ZNF700: variants seen among roughly 807,000 people sequenced by gnomAD.
ZNF700 encodes zinc finger protein 700.
A neutral mutation model predicts 65.3 loss-of-function variants in ZNF700; 38 were observed. The observed-to-expected ratio is 0.58, with a 90% CI of 0.45 to 0.76. The LOEUF (loss-of-function observed/expected upper bound fraction) is 0.76, where lower values mean the gene tolerates loss of function less well. Ranked by LOEUF, ZNF700 falls within the 30% of genes least tolerant of loss-of-function variation. The probability of loss-of-function intolerance (pLI) is 0.00; values close to 1 mark genes in which losing one functional copy is unlikely to be tolerated. For synonymous variants in ZNF700, 285 were observed against 290.4 expected, an observed-to-expected ratio of 0.98 and a Z score of 0.19; for missense variants, 857 against 888.4, an observed-to-expected ratio of 0.96 and a Z score of 0.45.
intron 1 of ZNF700, among the ~76,000 whole-genome samples, chr19:11,926,992 G>A (rs1014698648): frequency 1.3e-5 from 2 of 152,178 alleles, no homozygotes; most frequent in Non-Finnish European, 2.9e-5. Flanking sequence ...CCCCAGGAGA[G>A]TTCTTGAATC....
rs1973012761 is a variant in ZNF700 at position 11,949,051 on chromosome 19, T to G, written c.1027T>G (p.Leu343Val). 6.2e-7 allele frequency: 1 copy of G among 1,608,208 alleles called. No homozygotes were observed. Among genetic ancestry groups the G allele is most frequent in the Non-Finnish European group, 8.5e-7 (1 of 1,178,798 alleles). ...TGAATGTAAGCAATATGGGGAAGGC[T>G]TATCCTATCTTATAAGTTTTCAAAC... ...PYECKQYGEG[L>V]SYLISFQTHI... Residue 343 changes from leucine to valine, a missense_variant, in exon 4 of 4, where the codon TTA (leucine) becomes GTA (valine). By Grantham distance (32) the Leu-to-Val change is conservative. This residue lies in a region of ZNF700 where 603 missense variants were observed against 619.9 expected (regional missense o/e 0.97). Transcript: ENST00000254321.
Position 11,931,404 on chromosome 19 carries a change from A to G in ZNF700, c.63+6131A>G, listed in dbSNP as rs893753717. ...TCTCATTCAGAAAGGATTTACTCCT[A>G]TGCTCTCATCTAATCCTAATTACTT... On this transcript the variant is annotated intron_variant, in intron 1 of 3. Coordinates refer to ENST00000254321, the MANE Select transcript of ZNF700 (RefSeq NM_144566.3). Among the ~76,000 whole-genome samples, 7 of 148,114 alleles carry G rather than the reference A, an allele frequency of 4.7e-5. No individual in the cohort carries two copies. In the East Asian group the frequency reaches 1.4e-3, roughly 29 times the overall value.
intron 1 of ZNF700, among the ~76,000 whole-genome samples, chr19:11,944,200 G>A (rs1972926001): frequency 1.3e-5 from 2 of 152,190 alleles, no homozygotes; most frequent in South Asian, 4.1e-4. Flanking sequence ...AGCTGTCGCT[G>A]TAACTTAATT....
chr19:11,937,731 G>T (rs1972819792), intron 1 of ZNF700, among the ~76,000 whole-genome samples: 1 of 151,782 alleles, frequency 6.6e-6, no homozygotes, highest in Non-Finnish European at 1.5e-5. Flanking sequence ...CTCATGATCT[G>T]CCTGCCTCAG....
chr19:11,926,852 G>C (rs1972636986), intron 1 of ZNF700, among the ~76,000 whole-genome samples: 1 of 152,176 alleles, frequency 6.6e-6, no homozygotes, highest in South Asian at 2.1e-4. Context: ...AGTTGGAAGA[G>C]TTTATTCAAG....
At chr19:11,925,895 TTTA>T (rs1469571507) in intron 1 of ZNF700, among the ~76,000 whole-genome samples, 2 of 152,144 alleles carry the variant, frequency 1.3e-5, no homozygotes, top group Admixed American at 6.6e-5. Flanking sequence ...ACAGTTTGGT[TTTA>T]TTCATTTCAG....
At chr19:11,934,120 G>A (rs766312562) in intron 1 of ZNF700, among the ~76,000 whole-genome samples, 2 of 148,072 alleles carry the variant, frequency 1.4e-5, no homozygotes, top group Admixed American at 1.3e-4. Context: ...GAGGTGAGAC[G>A]ATTGCTTGAG....
rs1568298124 is a variant in ZNF700, at chr19:11,949,164, T to TG, written c.1141dup (p.Glu381GlyfsTer11). On this transcript the variant is annotated frameshift_variant, in exon 4 of 4. Coordinates refer to ENST00000254321, the MANE Select transcript of ZNF700 (RefSeq NM_144566.3). LOFTEE classifies it high-confidence loss of function. The stretch of plus-strand genomic sequence containing the variant: ...ATTCTGCCAAGTCATTTCAAACACA[T>TG]GAAAAAACTCACACTGGAGAGAAAC... The TG allele has an allele frequency of 6.2e-7, 1 of 1,612,416 alleles. No homozygotes were observed. The highest frequency in any genetic ancestry group is 2.2e-5 in the East Asian group (1 of 44,842).
intron 1 of ZNF700, among the ~76,000 whole-genome samples, chr19:11,940,880 G>A (rs1387553816): frequency 6.6e-6 from 1 of 151,946 alleles, no homozygotes; most frequent in East Asian, 1.9e-4. Context: ...GTTCTCCAAG[G>A]CCCCACCAGA....
chr19:11,929,152 T>C (rs1390794284), intron 1 of ZNF700, among the ~76,000 whole-genome samples: 1 of 148,268 alleles, frequency 6.7e-6, no homozygotes, highest in African/African-American at 2.6e-5. Context: ...CTTAAATTTT[T>C]GAATTACTTT....
chr19:11,949,577 A>C lies in ZNF700; in HGVS notation c.1553A>C (p.Tyr518Ser). The part of the protein sequence containing the change: ...YKCSICEKGF[Y>S]SAKSFQTHEK... ...TGTAGTATATGTGAGAAAGGCTTTT[A>C]TTCTGCCAAGTCATTTCAAACACAT... The change falls in exon 4 of 4, where the codon TAT becomes TCT. Residue 518 changes from tyrosine to serine, a missense_variant. Coordinates refer to ENST00000254321, the MANE Select transcript of ZNF700 (RefSeq NM_144566.3). 6.2e-7 allele frequency: 1 copy of C among 1,612,598 alleles called. No individual in the cohort carries two copies. The highest frequency in any genetic ancestry group is 1.1e-5 in the South Asian group (1 of 90,818).
rs1973035620 is a variant in ZNF700, at chr19:11,949,912, A to G, written c.1888A>G (p.Arg630Gly). The G allele has an allele frequency of 1.2e-6, 2 of 1,614,120 alleles. No homozygotes were observed. The highest frequency in any genetic ancestry group is 4.5e-5 in the East Asian group (2 of 44,868). The change falls in exon 4 of 4, where the codon AGA (arginine) becomes GGA (glycine). Residue 630 changes from arginine to glycine, a missense_variant. Physicochemically the swap from Arg to Gly is moderately radical, Grantham distance 125 (BLOSUM62 -2). Coordinates refer to ENST00000254321, the MANE Select transcript of ZNF700 (RefSeq NM_144566.3). ...YECKQCGKAF[R>G]SASNLQMHER... is the part of the protein sequence containing the mutation. ...GTGTAAGCAATGTGGGAAAGCCTTC[A>G]GATCTGCCTCAAACCTTCAGATGCA...
At position 11,948,460 on chromosome 19, in the gene ZNF700, A is replaced by G. The variant is rs762083267; in HGVS notation, c.436A>G (p.Arg146Gly). Residue 146 changes from arginine (R) to glycine (G), a missense_variant, in exon 4 of 4, where the codon AGA becomes GGA. Transcript: ENST00000254321. ...TAACTCATCTTTTAATATGAGCATC[A>G]GAGGTGACACTGGACACAAGGCATA... The part of the protein sequence containing the change: ...IGNSSFNMSI[R>G]GDTGHKAYEY... 4 of 1,614,184 alleles carry G rather than the reference A, an allele frequency of 2.5e-6. No homozygotes were observed. The highest frequency in any genetic ancestry group is 3.4e-6 in the Non-Finnish European group (4 of 1,180,026).
At chr19:11,945,976 G>A (rs1289035651) in intron 1 of ZNF700, among the ~76,000 whole-genome samples, 1 of 152,074 alleles carries the variant, frequency 6.6e-6, no homozygotes, top group African/African-American at 2.4e-5. Flanking sequence ...TTTGGATAAG[G>A]GGGTGACCGG....
At chr19:11,929,170 T>C (rs978304696) in intron 1 of ZNF700, among the ~76,000 whole-genome samples, 1 of 148,236 alleles carries the variant, frequency 6.7e-6, no homozygotes, top group Admixed American at 6.6e-5. Context: ...TTTGTTGTTT[T>C]TGTTGTTTGT....
chr19:11,949,896 AT>A lies in ZNF700; in HGVS notation c.1873del (p.Cys625ValfsTer196), dbSNP rs1465243971. The part of the protein sequence containing the change: ...TGEKPYECKQ[C>X]GKAFRSASNL... ...GAGAGAAACCCTATGAGTGTAAGCA[AT>A]GTGGGAAAGCCTTCAGATCTGCCTC... On this transcript the variant is annotated frameshift_variant, in exon 4 of 4. Coordinates refer to ENST00000254321, the MANE Select transcript of ZNF700 (RefSeq NM_144566.3). LOFTEE classifies it high-confidence loss of function. 2 of 1,613,932 alleles carry A rather than the reference AT, an allele frequency of 1.2e-6. No homozygotes were observed. The highest frequency in any genetic ancestry group is 2.7e-5 in the African/African-American group (2 of 74,882).
In ZNF700 at chr19:11,949,424, C is replaced by T. The variant is rs770531051; in HGVS notation, c.1400C>T (p.Thr467Ile). 6.2e-7 allele frequency: 1 copy of T among 1,613,056 alleles called. No homozygotes were observed. Among genetic ancestry groups the T allele is most frequent in the Admixed American group, 1.7e-5 (1 of 59,832 alleles). ...TCACACCTTCGAGTGCATGGTAGGA[C>T]TCATACTGGAGAGAAACCCTATGAA... is the stretch of plus-strand genomic sequence containing the variant. ...STSHLRVHGR[T>I]HTGEKPYECK... The change falls in exon 4 of 4, where the codon ACT (threonine) becomes ATT (isoleucine). Residue 467 changes from threonine (T) to isoleucine (I), a missense_variant. By Grantham distance (89) the Thr-to-Ile change is moderately conservative. This residue lies in a region of ZNF700 where 603 missense variants were observed against 619.9 expected (regional missense o/e 0.97). Transcript: ENST00000254321.
In ZNF700 at chr19:11,949,924, A is replaced by C. The variant is rs759145040; in HGVS notation, c.1900A>C (p.Asn634His). ...QCGKAFRSASNLQMHERTHTG... is the reference protein window; with the variant it reads ...QCGKAFRSASHLQMHERTHTG... ...TGGGAAAGCCTTCAGATCTGCCTCA[A>C]ACCTTCAGATGCATGAAAGGACTCA... Residue 634 changes from asparagine to histidine, a missense_variant, in exon 4 of 4, where the codon AAC becomes CAC. By Grantham distance (68) the Asn-to-His change is moderately conservative. This residue lies in a region of ZNF700 where 251 missense variants were observed against 250.3 expected (regional missense o/e 1.00). Coordinates refer to ENST00000254321, the MANE Select transcript of ZNF700 (RefSeq NM_144566.3). The C allele has an allele frequency of 4.2e-5, 67 of 1,608,838 alleles. 1 individual carries two copies. The South Asian group carries it at 7.3e-4, about 17-fold the overall frequency.
intron 1 of ZNF700, chr19:11,939,946 C>T (rs759174733): frequency 6.8e-6 from 1 of 146,274 alleles, no homozygotes; most frequent in South Asian, 2.1e-4. Context: ...TGTAACAAGA[C>T]GTTTTCTTTT....
Sources: allele counts gnomAD v4.1 joint callset (sites outside exome capture counted in the v4.1 genomes callset), GRCh38; gene constraint gnomAD v4.1.1; regional missense constraint gnomAD v4.1.1; transcripts MANE v1.5; gene names NCBI Gene and HGNC (gene_info 2026-07-23, HGNC 2026-07-21).